TRHDE: variants seen among roughly 807,000 people sequenced by gnomAD.
The protein encoded by TRHDE is thyrotropin releasing hormone degrading enzyme.
In TRHDE, 72 loss-of-function variants were observed where a neutral mutation model predicts 125.7. The ratio of observed to expected loss-of-function variants is 0.57; its 90% CI spans 0.47 to 0.70. The LOEUF (loss-of-function observed/expected upper bound fraction) is 0.70, where lower values mean the gene tolerates loss of function less well. TRHDE is among the 30% of genes least tolerant of loss of function. The probability of loss-of-function intolerance (pLI) is 0.00; values close to 1 mark genes in which losing one functional copy is unlikely to be tolerated. For synonymous variants in TRHDE, 509 were observed against 509.1 expected, an observed-to-expected ratio of 1.00 and a Z score of 0.00; for missense variants, 1,110 against 1,327.1, an observed-to-expected ratio of 0.84 and a Z score of 2.54.
chr12:72,181,460 C>A (rs1345491426), intron 2 of TRHDE, among the ~76,000 whole-genome samples: 1 of 152,174 alleles, frequency 6.6e-6, no homozygotes, highest in East Asian at 1.9e-4. Flanking sequence ...CTGGGCTAAC[C>A]AAACCAGCTC....
chr12:72,575,623 C>A, intron 12 of TRHDE, 81 bp downstream of exon 12: 1 of 1,280,586 alleles, frequency 7.8e-7, no homozygotes, highest in Non-Finnish European at 1.1e-6. Flanking sequence ...ATGTATATGT[C>A]TTTTATTTAG....
chr12:72,380,766 GCTTCCTTC>G (rs3085951), intron 3 of TRHDE, among the ~76,000 whole-genome samples: 3,901 of 70,810 alleles, frequency 0.055, 123 homozygotes, highest in Non-Finnish European at 0.068. Context: ...TTCCTTCCTT[GCTTCCTTC>G]CTTCCTTCCT....
At chr12:72,545,935 A>G (rs1048122481) in intron 7 of TRHDE, among the ~76,000 whole-genome samples, 24 of 151,614 alleles carry the variant, frequency 1.6e-4, no homozygotes, top group African/African-American at 5.8e-4. Flanking sequence ...AACCAATTCT[A>G]TTTATTGGTT....
chr12:72,125,395 T>TA (rs980065503), intron 2 of TRHDE, among the ~76,000 whole-genome samples: 10 of 152,128 alleles, frequency 6.6e-5, no homozygotes, highest in African/African-American at 1.4e-4. Context: ...GCTTACCTAT[T>TA]AAAAAAACTG....
chr12:72,189,673 CGAA>C (rs1467107701), intron 2 of TRHDE, among the ~76,000 whole-genome samples: 7 of 152,112 alleles, frequency 4.6e-5, no homozygotes, highest in Admixed American at 4.6e-4. Flanking sequence ...CCAAATGCCT[CGAA>C]GAAGGAGGCA....
At chr12:72,506,267 A>G (rs1878354383) in intron 6 of TRHDE, among the ~76,000 whole-genome samples, 2 of 152,074 alleles carry the variant, frequency 1.3e-5, no homozygotes, top group Admixed American at 6.6e-5. Flanking sequence ...GCTATAATAG[A>G]TCTCCTGCAC....
chr12:72,464,818 A>C (rs1044568982), intron 3 of TRHDE, among the ~76,000 whole-genome samples: 1 of 152,192 alleles, frequency 6.6e-6, no homozygotes, highest in African/African-American at 2.4e-5. Context: ...AGTGTTAAGA[A>C]TAGAAGGCAA....
At chr12:72,167,874 T>G (rs555374022) in intron 2 of TRHDE, among the ~76,000 whole-genome samples, 4 of 152,334 alleles carry the variant, frequency 2.6e-5, no homozygotes, top group African/African-American at 7.2e-5. Flanking sequence ...TTCAGAGGCC[T>G]AAGTATCTAA....
intron 3 of TRHDE, among the ~76,000 whole-genome samples, chr12:72,457,527 T>G (rs966605094): frequency 6.6e-6 from 1 of 152,156 alleles, no homozygotes; most frequent in African/African-American, 2.4e-5. Flanking sequence ...AATAAGTGAT[T>G]TAAAAAATTA....
At position 72,653,147 on chromosome 12, in the gene TRHDE, T is replaced by C. The variant is rs1329099959; in HGVS notation, c.2975T>C (p.Leu992Ser). The change falls in exon 17 of 19, where the codon TTA becomes TCA. Residue 992 changes from leucine (L) to serine (S), a missense_variant. By Grantham distance (145) the Leu-to-Ser change is moderately radical (BLOSUM62 -2). Coordinates refer to ENST00000261180, the MANE Select transcript of TRHDE (RefSeq NM_013381.3). ...WKFFRDKWKI[L>S]NTRYGEALFM... ...TTTTTCAGGGATAAATGGAAGATAT[T>C]AAATACCAGGTAGAAATTAGAATTC... is the stretch of plus-strand genomic sequence containing the variant. 1 of 1,607,052 alleles carries C rather than the reference T, an allele frequency of 6.2e-7. No homozygotes were observed. The highest frequency in any genetic ancestry group is 2.2e-5 in the East Asian group (1 of 44,586).
chr12:72,118,946 T>C (rs1402432014), intron 2 of TRHDE, among the ~76,000 whole-genome samples: 3 of 152,156 alleles, frequency 2.0e-5, no homozygotes, highest in African/African-American at 7.2e-5. Context: ...TTTTTCTTAG[T>C]CTGGCTAAAG....
chr12:72,182,199 T>C (rs1877108596), intron 2 of TRHDE, among the ~76,000 whole-genome samples: 1 of 152,204 alleles, frequency 6.6e-6, no homozygotes, highest in Non-Finnish European at 1.5e-5. Flanking sequence ...CATTTTCTCC[T>C]GAAGAAGTAG....
upstream of TRHDE, chr12:72,271,870 C>G (rs769117947): frequency 8.8e-6 from 4 of 455,240 alleles, no homozygotes; most frequent in East Asian, 2.1e-4. Context: ...TTGTCATCTC[C>G]GGAGGGCAGA....
intron 12 of TRHDE, among the ~76,000 whole-genome samples, chr12:72,618,295 AAG>A (rs757759188): frequency 2.0e-4 from 30 of 152,154 alleles, no homozygotes; most frequent in Admixed American, 1.4e-3. Context: ...AATAGAAAAA[AAG>A]AGTTATTCTT....
intron 15 of TRHDE, among the ~76,000 whole-genome samples, chr12:72,624,191 A>G (rs979441638): frequency 1.3e-5 from 2 of 151,984 alleles, no homozygotes; most frequent in African/African-American, 2.4e-5. Flanking sequence ...TTAAACAATA[A>G]TGCAATCCTG....
chr12:72,388,032 C>A (rs1327343173), intron 3 of TRHDE, among the ~76,000 whole-genome samples: 3 of 152,040 alleles, frequency 2.0e-5, no homozygotes, highest in African/African-American at 7.2e-5. Flanking sequence ...CCCTTTACCC[C>A]CCCGGACCCT....
At chr12:72,520,468 CTGAG>C (rs1879137318) in intron 6 of TRHDE, among the ~76,000 whole-genome samples, 1 of 152,196 alleles carries the variant, frequency 6.6e-6, no homozygotes, top group Non-Finnish European at 1.5e-5. Flanking sequence ...TTTGCGCTTC[CTGAG>C]TGAGGCAATG....
intron 2 of TRHDE, among the ~76,000 whole-genome samples, chr12:72,163,533 T>C (rs1035140800): frequency 3.9e-5 from 6 of 152,202 alleles, no homozygotes; most frequent in African/African-American, 9.7e-5. Context: ...CTAGAGATTA[T>C]GTGTGGGAAA....
At chr12:72,281,277 G>T (rs1034072719) in intron 1 of TRHDE, among the ~76,000 whole-genome samples, 12 of 152,116 alleles carry the variant, frequency 7.9e-5, no homozygotes, top group African/African-American at 2.9e-4. Flanking sequence ...ATGACTCATT[G>T]AAGTGCATAA....
Sources: gnomAD v4.1 joint callset for allele counts (sites outside exome capture counted in the v4.1 genomes callset) on GRCh38, gnomAD v4.1.1 for gene constraint, MANE v1.5 for transcripts, NCBI Gene and HGNC (gene_info 2026-07-23, HGNC 2026-07-21) for gene names.